The following UCK2 variants were observed in gnomAD, a reference collection of about 807,000 sequenced individuals.
UCK2 encodes the protein cytidine monophosphokinase 2.
In UCK2, 6 loss-of-function variants were observed where a neutral mutation model predicts 30.8. The observed-to-expected ratio is 0.19, with a 90% CI of 0.11 to 0.38. UCK2 has a LOEUF of 0.38. UCK2 is among the 10% of genes least tolerant of loss of function. UCK2 has a pLI of 1.00. For missense variants in UCK2, 210 were observed against 339.8 expected (o/e 0.62, Z 3.00); for synonymous variants, 125 against 133.6 (o/e 0.94, Z 0.45).
intron 1 of UCK2, among the ~76,000 whole-genome samples, chr1:165,854,704 A>G (rs951444633): frequency 2.6e-5 from 4 of 152,194 alleles, no homozygotes; most frequent in African/African-American, 4.8e-5. Flanking sequence ...GACTTTTCCT[A>G]TGTTTGTTCT....
At chr1:165,872,322 G>C (rs948143299) in intron 1 of UCK2, among the ~76,000 whole-genome samples, 1 of 152,156 alleles carries the variant, frequency 6.6e-6, no homozygotes, top group African/African-American at 2.4e-5. Context: ...TGATCTGCCC[G>C]CCTTGGCCTC....
chr1:165,831,117 C>CA (rs1654035911), intron 1 of UCK2, among the ~76,000 whole-genome samples: 1 of 151,502 alleles, frequency 6.6e-6, no homozygotes, highest in Admixed American at 6.6e-5. Flanking sequence ...GAACAAAAAC[C>CA]AAAAAAGGTT....
intron 3 of UCK2, chr1:165,894,076 G>A (rs1655832805): frequency 6.6e-6 from 1 of 152,192 alleles, no homozygotes; most frequent in South Asian, 2.1e-4. Context: ...TTTCATGTTA[G>A]GGAGGCTCAT....
At chr1:165,859,137 A>G (rs1246226799) in intron 1 of UCK2, among the ~76,000 whole-genome samples, 1 of 152,170 alleles carries the variant, frequency 6.6e-6, no homozygotes, top group Non-Finnish European at 1.5e-5. Context: ...TAAAAAGGCC[A>G]TGTTTTCCAA....
intron 5 of UCK2, among the ~76,000 whole-genome samples, chr1:165,905,065 C>G (rs1251193847): frequency 6.6e-6 from 1 of 152,158 alleles, no homozygotes; most frequent in Non-Finnish European, 1.5e-5. Flanking sequence ...GTGAACCAGT[C>G]CCCTGGAAAG....
chr1:165,894,925 C>G (rs1266488784), intron 3 of UCK2, among the ~76,000 whole-genome samples: 2 of 152,106 alleles, frequency 1.3e-5, no homozygotes, highest in African/African-American at 4.8e-5. Flanking sequence ...GGAAACCTTG[C>G]AATGATGATT....
At chr1:165,893,606 G>A (rs765267691) in intron 3 of UCK2, among the ~76,000 whole-genome samples, 9 of 152,214 alleles carry the variant, frequency 5.9e-5, no homozygotes, top group Non-Finnish European at 1.2e-4. Context: ...AAATGAGATG[G>A]TTAGACTGGG....
At chr1:165,904,865 A>C (rs1429010684) in intron 5 of UCK2, among the ~76,000 whole-genome samples, 4 of 152,252 alleles carry the variant, frequency 2.6e-5, no homozygotes, top group Non-Finnish European at 5.9e-5. Flanking sequence ...ACAAAATCTC[A>C]GTAAATTTGG....
At chr1:165,879,647 C>T (rs1204675962) in intron 1 of UCK2, among the ~76,000 whole-genome samples, 2 of 151,604 alleles carry the variant, frequency 1.3e-5, no homozygotes, top group Admixed American at 6.6e-5. Flanking sequence ...TATACAGTAA[C>T]GTGGTCTATG....
chr1:165,865,047 C>T (rs1164713951), intron 1 of UCK2, among the ~76,000 whole-genome samples: 1 of 152,136 alleles, frequency 6.6e-6, no homozygotes, highest in African/African-American at 2.4e-5. Context: ...TTAATGTATA[C>T]TGAACATCTC....
At chr1:165,894,976 G>C (rs1054699242) in intron 3 of UCK2, among the ~76,000 whole-genome samples, 2 of 152,196 alleles carry the variant, frequency 1.3e-5, no homozygotes, top group African/African-American at 4.8e-5. Flanking sequence ...GAGGCAGTTG[G>C]TGACATATAA....
Position 165,910,332 on chromosome 1 carries a change from C to G in UCK2, c.*2509C>G, listed in dbSNP as rs761778838. 6.6e-6 allele frequency: 1 copy of G among 152,176 alleles called. No individual in the cohort carries two copies. The highest frequency in any genetic ancestry group is 2.4e-5 in the African/African-American group (1 of 41,402). 9.4% of individuals were successfully genotyped at this position (152,176 alleles called of 1,614,324 possible). On this transcript the variant is annotated 3_prime_UTR_variant, in exon 7 of 7. Transcript: ENST00000367879. ...AGAGTCAGGAGTAGAATTAGTGGACCAGAAACCATGACATTTGCCATCTAG... is the reference window on the plus strand; with the variant it reads ...AGAGTCAGGAGTAGAATTAGTGGACGAGAAACCATGACATTTGCCATCTAG...
At chr1:165,860,737 A>G (rs1243235607) in intron 1 of UCK2, among the ~76,000 whole-genome samples, 1 of 152,170 alleles carries the variant, frequency 6.6e-6, no homozygotes, top group South Asian at 2.1e-4. Flanking sequence ...GGTGTGAGCC[A>G]CAGCGCCCCG....
At chr1:165,889,645 C>T (rs181500162) in intron 1 of UCK2, among the ~76,000 whole-genome samples, 224 of 149,286 alleles carry the variant, frequency 1.5e-3, no homozygotes, top group African/African-American at 5.5e-3. Context: ...GATCCTAAGA[C>T]TTCTCTGTCA....
At chr1:165,902,468 G>A (rs4656467) in intron 4 of UCK2, 43,492 of 151,376 alleles carry the variant, frequency 0.29, 6,580 homozygotes, top group South Asian at 0.47. Flanking sequence ...AAAGCCCCTG[G>A]ATAAAACTGA....
chr1:165,871,328 G>C (rs754769700), intron 1 of UCK2, among the ~76,000 whole-genome samples: 10 of 152,220 alleles, frequency 6.6e-5, no homozygotes, highest in Non-Finnish European at 4.4e-5. Context: ...TTGTACTCCA[G>C]ACTTGCTGCT....
chr1:165,849,213 G>T (rs1654530252), intron 1 of UCK2, among the ~76,000 whole-genome samples: 1 of 152,190 alleles, frequency 6.6e-6, no homozygotes, highest in South Asian at 2.1e-4. Context: ...ACCCAGAGTG[G>T]GGGAAGGGGC....
chr1:165,831,842 T>G (rs1654057022), intron 1 of UCK2, among the ~76,000 whole-genome samples: 1 of 152,234 alleles, frequency 6.6e-6, no homozygotes, highest in Non-Finnish European at 1.5e-5. Flanking sequence ...CTTGGTTTAC[T>G]GCAACCTCCA....
intron 1 of UCK2, 112 bp downstream of exon 1, chr1:165,828,044 G>C: frequency 1.3e-6 from 1 of 789,218 alleles, no homozygotes; most frequent in Non-Finnish European, 1.6e-6. Context: ...TGGCCCGCGC[G>C]CCTCCGCTCC....
Sources: allele counts gnomAD v4.1 joint callset (sites outside exome capture counted in the v4.1 genomes callset), GRCh38; gene constraint gnomAD v4.1.1; transcripts MANE v1.5; gene names NCBI Gene and HGNC (gene_info 2026-07-23, HGNC 2026-07-21).